The following MRTFA variants were observed in gnomAD, a reference collection of about 807,000 sequenced individuals.
The protein encoded by MRTFA is myocardin-related transcription factor A.
Under a neutral mutation model 83.5 loss-of-function variants are expected in MRTFA, and 20 were observed. That is an observed-to-expected ratio of 0.24 (90% CI 0.17 to 0.35). The LOEUF (loss-of-function observed/expected upper bound fraction) is 0.35. MRTFA is among the 10% of genes least tolerant of loss of function. The pLI is 1.00. For missense variants in MRTFA, 1,200 were observed against 1,224.7 expected (o/e 0.98, Z 0.30); for synonymous variants, 659 against 541.2 (o/e 1.22, Z -3.02).
chr22:40,487,893 T>C (rs1402653022), intron 3 of MRTFA, among the ~76,000 whole-genome samples: 4 of 152,108 alleles, frequency 2.6e-5, no homozygotes, highest in Non-Finnish European at 5.9e-5. Context: ...GCAATCTCAG[T>C]AGATTAACTC....
At chr22:40,490,381 A>G (rs1187662624) in intron 3 of MRTFA, among the ~76,000 whole-genome samples, 1 of 152,124 alleles carries the variant, frequency 6.6e-6, no homozygotes, top group African/African-American at 2.4e-5. Flanking sequence ...CCGGCGGATC[A>G]TGAGGTCAGG....
intron 1 of MRTFA, among the ~76,000 whole-genome samples, chr22:40,596,430 A>G (rs1383450418): frequency 6.6e-6 from 1 of 152,224 alleles, no homozygotes. Flanking sequence ...TGAAAAGGCC[A>G]GCACTTCGGG....
At chr22:40,525,234 G>T (rs982881884) in intron 3 of MRTFA, among the ~76,000 whole-genome samples, 2 of 152,210 alleles carry the variant, frequency 1.3e-5, no homozygotes, top group Non-Finnish European at 2.9e-5. Flanking sequence ...CTCAGAGAAA[G>T]TTATTCATAT....
intron 3 of MRTFA, among the ~76,000 whole-genome samples, chr22:40,471,942 C>T (rs190659032): frequency 6.6e-6 from 1 of 152,296 alleles, no homozygotes; most frequent in East Asian, 1.9e-4. Context: ...GGAGAAAACA[C>T]TTCCCCAACT....
chr22:40,567,680 A>AT (rs1256083987), intron 2 of MRTFA, among the ~76,000 whole-genome samples: 1 of 152,214 alleles, frequency 6.6e-6, no homozygotes, highest in Non-Finnish European at 1.5e-5. Flanking sequence ...TATGAATAAT[A>AT]TAAAAAAAAC....
chr22:40,463,338 C>T (rs998022177), intron 3 of MRTFA, 52 bp from the exon 4 acceptor site: 4 of 1,465,378 alleles, frequency 2.7e-6, no homozygotes, highest in African/African-American at 2.8e-5. Context: ...GGGTATTCCA[C>T]CTCAAAAAAC....
At chr22:40,439,842 C>T (rs901482138) in intron 4 of MRTFA, 1 of 152,522 alleles carries the variant, frequency 6.6e-6, no homozygotes, top group Non-Finnish European at 1.5e-5. Flanking sequence ...GAACCAGAAA[C>T]GAAGACCAAG....
chr22:40,603,130 G>A (rs2056279192), intron 1 of MRTFA, among the ~76,000 whole-genome samples: 1 of 152,184 alleles, frequency 6.6e-6, no homozygotes, highest in African/African-American at 2.4e-5. Flanking sequence ...CTAATGCCAT[G>A]TGACTTTCCC....
At position 40,419,073 on chromosome 22, in the gene MRTFA, G is replaced by A. The variant is rs201871080; in HGVS notation, c.1665C>T (p.Pro555=). Residue 555 remains proline, a synonymous_variant, in exon 12 of 15, where the codon CCC becomes CCT. Coordinates refer to ENST00000355630, the MANE Select transcript of MRTFA (RefSeq NM_020831.6). Reference sequence around the variant, plus strand: ...TGAGCAGTGAGCGCTCCGAGGGGGTGGGAGACACGGGGGGCGTGGAGCCCG... The same window carrying A: ...TGAGCAGTGAGCGCTCCGAGGGGGTAGGAGACACGGGGGGCGTGGAGCCCG... 8.7e-6 allele frequency: 14 copies of A among 1,607,056 alleles called. No individual in the cohort carries two copies. Among genetic ancestry groups the A allele is most frequent in the African/African-American group, 8.0e-5 (6 of 74,676 alleles).
At chr22:40,457,176 C>A (rs1264840214) in intron 4 of MRTFA, among the ~76,000 whole-genome samples, 1 of 152,014 alleles carries the variant, frequency 6.6e-6, no homozygotes, top group Non-Finnish European at 1.5e-5. Context: ...ACCAGCCTGG[C>A]CAACATGGCG....
intron 14 of MRTFA, among the ~76,000 whole-genome samples, chr22:40,414,508 G>A (rs2147056853): frequency 6.6e-6 from 1 of 152,346 alleles, no homozygotes; most frequent in Admixed American, 6.5e-5. Flanking sequence ...TGAAGAGAAT[G>A]TGGTGAATCC....
intron 2 of MRTFA, among the ~76,000 whole-genome samples, chr22:40,572,431 T>C (rs2055809348): frequency 6.6e-6 from 1 of 151,456 alleles, no homozygotes; most frequent in African/African-American, 2.4e-5. Flanking sequence ...GCTATAATCA[T>C]GCCTATGAAG....
At chr22:40,618,341 C>T (rs1010050076) in intron 1 of MRTFA, among the ~76,000 whole-genome samples, 3 of 151,002 alleles carry the variant, frequency 2.0e-5, no homozygotes, top group Non-Finnish European at 2.9e-5. Context: ...CCACTCGCCT[C>T]GGCCTCCCAA....
At chr22:40,609,790 C>G (rs965790567) in intron 1 of MRTFA, among the ~76,000 whole-genome samples, 2 of 152,004 alleles carry the variant, frequency 1.3e-5, no homozygotes, top group Admixed American at 6.6e-5. Flanking sequence ...GAGACTGCGC[C>G]ACTGCACTCC....
At chr22:40,593,107 C>G (rs1453279353) in intron 2 of MRTFA, among the ~76,000 whole-genome samples, 4 of 152,096 alleles carry the variant, frequency 2.6e-5, no homozygotes, top group Non-Finnish European at 4.4e-5. Context: ...CAAAACAGCA[C>G]AGGTGTCTCT....
chr22:40,486,027 C>T lies in MRTFA; in HGVS notation c.242-22741G>A, dbSNP rs111626415. 3.2e-3 allele frequency among the ~76,000 whole-genome samples: 485 copies of T among 152,294 alleles called. 1 individual carries two copies. The highest frequency in any genetic ancestry group is 6.8e-3 in the Middle Eastern group (2 of 294). On this transcript the variant is annotated intron_variant, in intron 3 of 14. Transcript: ENST00000355630. ...TGCAGGAATGAGCCATCTGCCTGGC[C>T]CACTGCCCGAGTGTGTTCAGCACAT...
At chr22:40,576,755 T>C (rs931145658) in intron 2 of MRTFA, among the ~76,000 whole-genome samples, 2 of 152,308 alleles carry the variant, frequency 1.3e-5, no homozygotes, top group African/African-American at 4.8e-5. Flanking sequence ...ATATAATGTA[T>C]ACCTAAAGTA....
In MRTFA at chr22:40,622,773, C is replaced by CAAATGATT. The variant is rs758178268; in HGVS notation, c.-84+13704_-84+13705insAATCATTT. Among the ~76,000 whole-genome samples, 240 of 152,226 alleles carry CAAATGATT rather than the reference C, an allele frequency of 1.6e-3. 2 individuals are homozygous for CAAATGATT. Among genetic ancestry groups the CAAATGATT allele is most frequent in the Non-Finnish European group, 3.0e-3 (204 of 68,010 alleles). ...TAAGACTGATTCAAATGTATGACCT[C>CAAATGATT]CAGAACTATAAGAGAATGAATATCT... On this transcript the variant is annotated intron_variant, in intron 1 of 14. Coordinates refer to ENST00000355630, the MANE Select transcript of MRTFA (RefSeq NM_020831.6).
chr22:40,505,245 G>A (rs2054561724), intron 3 of MRTFA, among the ~76,000 whole-genome samples: 1 of 152,182 alleles, frequency 6.6e-6, no homozygotes, highest in Non-Finnish European at 1.5e-5. Context: ...CATCTAGACT[G>A]TAGGGATCGA....
Sources: gnomAD v4.1 joint callset for allele counts (sites outside exome capture counted in the v4.1 genomes callset) on GRCh38, gnomAD v4.1.1 for gene constraint, MANE v1.5 for transcripts, NCBI Gene and HGNC (gene_info 2026-07-23, HGNC 2026-07-21) for gene names.